SUZ12: variants seen among roughly 807,000 people sequenced by gnomAD.
SUZ12 encodes polycomb protein SUZ12.
Under a neutral mutation model 87.3 loss-of-function variants are expected in SUZ12, and 17 were observed. The observed-to-expected ratio is 0.19, with a 90% confidence interval of 0.13 to 0.29. The LOEUF (loss-of-function observed/expected upper bound fraction) is 0.29. Ranked by LOEUF, SUZ12 falls within the 10% of genes least tolerant of loss-of-function variation. The pLI is 1.00. For missense variants in SUZ12, 526 were observed against 912.2 expected, an observed-to-expected ratio of 0.58 and a Z score of 5.45; for synonymous variants, 253 against 312.4, an observed-to-expected ratio of 0.81 and a Z score of 2.01.
Position 31,999,184 on chromosome 17 carries a change from T to C in SUZ12, c.*181T>C. Reference sequence around the variant, plus strand: ...CTTCACTTCATTATGCAGCATTACATGTATATCACTTTTATTGATGTCATT... The same window carrying C: ...CTTCACTTCATTATGCAGCATTACACGTATATCACTTTTATTGATGTCATT... On this transcript the variant is annotated 3_prime_UTR_variant, in exon 16 of 16. Transcript: ENST00000322652. 2.2e-6 allele frequency: 1 copy of C among 451,214 alleles called. No individual in the cohort carries two copies. Among genetic ancestry groups the C allele is most frequent in the Non-Finnish European group, 3.9e-6 (1 of 258,178 alleles). 28.0% of individuals were successfully genotyped at this position (451,214 alleles called of 1,614,324 possible).
chr17:31,987,428 G>A (rs1909475310), intron 9 of SUZ12, among the ~76,000 whole-genome samples: 1 of 152,154 alleles, frequency 6.6e-6, no homozygotes, highest in African/African-American at 2.4e-5. Flanking sequence ...GAGTGATTCG[G>A]TCAGATGGCT....
At chr17:31,985,603 A>T (rs1388574857) in intron 9 of SUZ12, among the ~76,000 whole-genome samples, 1 of 150,638 alleles carries the variant, frequency 6.6e-6, no homozygotes, top group Admixed American at 6.6e-5. Flanking sequence ...TATTCATGAG[A>T]CTATAAGGAT....
Position 31,993,994 on chromosome 17 carries a change from A to G in SUZ12, c.1423A>G (p.Ile475Val), listed in dbSNP as rs759020689. ...KHLKLCHSRF[I>V]FNYVYHPKGA... is the part of the protein sequence containing the mutation. ...TCTTAAACTCTGCCATAGCAGATTTATCTTCAACTATGTTGTGAGTAATTT... is the reference window on the plus strand; with the variant it reads ...TCTTAAACTCTGCCATAGCAGATTTGTCTTCAACTATGTTGTGAGTAATTT... The change falls in exon 12 of 16, where the codon ATC becomes GTC. Residue 475 changes from isoleucine (I) to valine (V), a missense_variant. Coordinates refer to ENST00000322652, the MANE Select transcript of SUZ12 (RefSeq NM_015355.4). 28 of 1,612,312 alleles carry G rather than the reference A, an allele frequency of 1.7e-5. No individual in the cohort carries two copies. Among genetic ancestry groups the G allele is most frequent in the African/African-American group, 5.3e-5 (4 of 74,856 alleles).
At chr17:31,984,612 T>A (rs768865944) in intron 9 of SUZ12, among the ~76,000 whole-genome samples, 2 of 152,164 alleles carry the variant, frequency 1.3e-5, no homozygotes, top group Non-Finnish European at 2.9e-5. Flanking sequence ...TACATAATAT[T>A]GTGAATTATA....
chr17:31,983,802 G>A (rs1909257187), intron 9 of SUZ12, among the ~76,000 whole-genome samples: 1 of 152,184 alleles, frequency 6.6e-6, no homozygotes, highest in Admixed American at 6.5e-5. Flanking sequence ...TCTATTCATT[G>A]TAATGGCAGG....
At chr17:31,955,662 C>T (rs1470338301) in intron 4 of SUZ12, among the ~76,000 whole-genome samples, 3 of 151,784 alleles carry the variant, frequency 2.0e-5, no homozygotes, top group Admixed American at 6.6e-5. Context: ...GCAGGAGAAT[C>T]GCTTAAACCT....
chr17:31,941,401 C>T (rs763206985), intron 3 of SUZ12, among the ~76,000 whole-genome samples: 4 of 151,866 alleles, frequency 2.6e-5, no homozygotes, highest in Non-Finnish European at 4.4e-5. Context: ...GGGTTACAGG[C>T]GCCTGCCACC....
intron 1 of SUZ12, among the ~76,000 whole-genome samples, chr17:31,938,363 AAT>A (rs1906065794): frequency 6.6e-6 from 1 of 152,210 alleles, no homozygotes; most frequent in South Asian, 2.1e-4. Context: ...TTAATAGCTA[AAT>A]AATCTTACAG....
intron 4 of SUZ12, among the ~76,000 whole-genome samples, chr17:31,959,403 A>G (rs907702802): frequency 8.5e-5 from 13 of 152,190 alleles, no homozygotes; most frequent in African/African-American, 3.1e-4. Flanking sequence ...TAATAGACAC[A>G]CACACATCAT....
At chr17:31,961,793 A>G (rs990710927) in intron 4 of SUZ12, among the ~76,000 whole-genome samples, 7 of 152,212 alleles carry the variant, frequency 4.6e-5, no homozygotes, top group African/African-American at 1.7e-4. Flanking sequence ...AAATAAATGT[A>G]AGATCTTTCT....
intron 10 of SUZ12, among the ~76,000 whole-genome samples, chr17:31,988,973 G>T (rs1909558201): frequency 6.6e-6 from 1 of 151,820 alleles, no homozygotes; most frequent in Admixed American, 6.6e-5. Context: ...TTGGGAGGCT[G>T]AGGCATGAGA....
rs768152603 is a variant in SUZ12 at position 31,940,481 on chromosome 17, C to A, written c.381C>A (p.Ile127=). The change falls in exon 3 of 16, where the codon ATC becomes ATA. Residue 127 remains isoleucine (I), a synonymous_variant. Coordinates refer to ENST00000322652, the MANE Select transcript of SUZ12 (RefSeq NM_015355.4). Reference sequence around the variant, plus strand: ...CTCATCGAAACTCCAGAACAAACATCAAAAGGTACATTTTATGAATCTTAT... The same window carrying A: ...CTCATCGAAACTCCAGAACAAACATAAAAAGGTACATTTTATGAATCTTAT... ...YMSHRNSRTN[I]KRKTFKVDDM... 6.4e-7 allele frequency: 1 copy of A among 1,564,438 alleles called. No individual in the cohort carries two copies. Among genetic ancestry groups the A allele is most frequent in the African/African-American group, 1.4e-5 (1 of 72,770 alleles).
chr17:31,940,701 CT>C (rs796594350), intron 3 of SUZ12, among the ~76,000 whole-genome samples: 1,842 of 145,466 alleles, frequency 0.013, 37 homozygotes, highest in African/African-American at 0.041. Flanking sequence ...TTGTTATTAG[CT>C]TTTTTTTTTT....
At position 31,981,193 on chromosome 17, in the gene SUZ12, A is replaced by G. The variant is rs142751911; in HGVS notation, c.918-1806A>G. Among the ~76,000 whole-genome samples the G allele has an allele frequency of 1.8e-4, 27 of 152,312 alleles. No individual in the cohort carries two copies. In the East Asian group the frequency reaches 4.6e-3, roughly 26 times the overall value. Reference sequence around the variant, plus strand: ...AAAAATGACAAGATGGGGAGAAATTATTTTCAACTTGTCTTTCAGGTAGAT... The same window carrying G: ...AAAAATGACAAGATGGGGAGAAATTGTTTTCAACTTGTCTTTCAGGTAGAT... On this transcript the variant is annotated intron_variant, in intron 8 of 15. Transcript: ENST00000322652.
intron 14 of SUZ12, 102 bp downstream of exon 14, chr17:31,995,864 A>T (rs941853694): frequency 2.2e-3 from 1,595 of 722,568 alleles, no homozygotes; most frequent in Non-Finnish European, 2.5e-3. Flanking sequence ...ACTTTTTTTA[A>T]AAAAAAAAAA....
Position 31,975,671 on chromosome 17 carries a change from G to C in SUZ12, c.781G>C (p.Glu261Gln). ...LFRVTRPGRREFNGMINGETN... is the reference protein window; with the variant it reads ...LFRVTRPGRRQFNGMINGETN... ...TAGAGTGACTCGTCCAGGAAGAAGA[G>C]AGTTTAATGGAATGATTAATGGAGA... Residue 261 changes from glutamate to glutamine, a missense_variant, in exon 7 of 16, where the codon GAG becomes CAG. Glu to Gln is a conservative substitution (Grantham distance 29). This residue lies in a region of SUZ12 where 73 missense variants were observed against 133.8 expected (regional missense o/e 0.55). Coordinates refer to ENST00000322652, the MANE Select transcript of SUZ12 (RefSeq NM_015355.4). The C allele has an allele frequency of 6.2e-7, 1 of 1,613,480 alleles. No individual in the cohort carries two copies. Among genetic ancestry groups the C allele is most frequent in the Non-Finnish European group, 8.5e-7 (1 of 1,179,766 alleles).
At chr17:31,977,746 A>G (rs2428340) in intron 8 of SUZ12, among the ~76,000 whole-genome samples, 27,710 of 152,028 alleles carry the variant, frequency 0.18, 3,103 homozygotes, top group African/African-American at 0.31. Context: ...AAAATTAGCC[A>G]GGCACGGTGG....
chr17:31,983,493 GCT>G (rs1909233869), intron 9 of SUZ12, among the ~76,000 whole-genome samples: 3 of 151,874 alleles, frequency 2.0e-5, no homozygotes, highest in Non-Finnish European at 4.4e-5. Flanking sequence ...TGTTGGCCAG[GCT>G]AGTCTGGAAC....
chr17:31,970,375 C>T (rs1048337704), intron 5 of SUZ12, among the ~76,000 whole-genome samples: 18 of 152,120 alleles, frequency 1.2e-4, no homozygotes, highest in Non-Finnish European at 2.5e-4. Flanking sequence ...CGCCTGTAAT[C>T]CCAGCACTTT....
Sources: allele counts gnomAD v4.1 joint callset (sites outside exome capture counted in the v4.1 genomes callset), GRCh38; gene constraint gnomAD v4.1.1; regional missense constraint gnomAD v4.1.1; transcripts MANE v1.5; gene names NCBI Gene and HGNC (gene_info 2026-07-23, HGNC 2026-07-21).